The following DPP6 variants were observed in gnomAD, a reference collection of about 807,000 sequenced individuals.
DPP6 encodes the protein dipeptidyl peptidase like 6.
In DPP6, 69 loss-of-function variants were observed where a neutral mutation model predicts 122.6. That is an observed-to-expected ratio of 0.56 (90% CI 0.46 to 0.69). DPP6 has a LOEUF of 0.69. Among genes scored for constraint, DPP6 ranks in the 30% least tolerant of loss-of-function variants. The pLI, the probability that DPP6 is intolerant of heterozygous loss-of-function variation, is 0.00. For synonymous variants in DPP6, 418 were observed against 433.1 expected (o/e 0.97, Z 0.43); for missense variants, 928 against 1,116.9 (o/e 0.83, Z 2.41).
chr7:154,635,433 T>A (rs2130915551), intron 5 of DPP6, among the ~76,000 whole-genome samples: 1 of 152,342 alleles, frequency 6.6e-6, no homozygotes, highest in Non-Finnish European at 1.5e-5. Flanking sequence ...AAGGAATTTA[T>A]CTGTTTGCTT....
intron 1 of DPP6, among the ~76,000 whole-genome samples, chr7:154,090,993 T>C (rs997406120): frequency 8.7e-5 from 13 of 150,280 alleles, no homozygotes; most frequent in South Asian, 4.3e-4. Context: ...TGGTGGCGGG[T>C]GCCTGTAGTC....
chr7:154,059,812 C>T (rs10253502), intron 1 of DPP6, among the ~76,000 whole-genome samples: 8 of 134,530 alleles, frequency 5.9e-5, no homozygotes, highest in East Asian at 2.3e-4. Flanking sequence ...GGCTGAGGCC[C>T]GTAGCCTACG....
chr7:154,411,471 G>A (rs1439467198), intron 1 of DPP6, among the ~76,000 whole-genome samples: 1 of 152,140 alleles, frequency 6.6e-6, no homozygotes, highest in African/African-American at 2.4e-5. Flanking sequence ...AAACTCCTAG[G>A]TTTAAGCAGT....
At chr7:154,040,422 CTG>C (rs1293656024) in intron 1 of DPP6, among the ~76,000 whole-genome samples, 1 of 150,528 alleles carries the variant, frequency 6.6e-6, no homozygotes, top group Non-Finnish European at 1.5e-5. Context: ...CTTCATGAGG[CTG>C]TTTCTCTTGC....
At chr7:154,430,587 A>G (rs1173759456) in intron 1 of DPP6, among the ~76,000 whole-genome samples, 1 of 152,092 alleles carries the variant, frequency 6.6e-6, no homozygotes, top group Non-Finnish European at 1.5e-5. Context: ...GGGAGTTAGG[A>G]TTTCATTGTA....
intron 3 of DPP6, among the ~76,000 whole-genome samples, chr7:154,487,086 G>C (rs985102398): frequency 6.6e-6 from 1 of 152,058 alleles, no homozygotes; most frequent in Non-Finnish European, 1.5e-5. Flanking sequence ...GACTGAAATC[G>C]CGTTTCAACT....
intron 1 of DPP6, among the ~76,000 whole-genome samples, chr7:153,936,842 G>A (rs572591066): frequency 4.6e-5 from 7 of 151,842 alleles, no homozygotes; most frequent in African/African-American, 7.3e-5. Context: ...AGGAAGTGAC[G>A]CGTGACCCTT....
At chr7:154,279,833 C>A (rs992333722) in intron 1 of DPP6, among the ~76,000 whole-genome samples, 1 of 152,192 alleles carries the variant, frequency 6.6e-6, no homozygotes, top group Admixed American at 6.5e-5. Flanking sequence ...AAATCAAAAA[C>A]CCACACACAA....
chr7:154,489,391 T>C (rs1314930445), intron 3 of DPP6, among the ~76,000 whole-genome samples: 1 of 152,220 alleles, frequency 6.6e-6, no homozygotes, highest in East Asian at 1.9e-4. Context: ...CAGGACGCTG[T>C]TCTGAGATTG....
intron 2 of DPP6, among the ~76,000 whole-genome samples, chr7:154,458,488 A>C (rs1436833921): frequency 6.6e-6 from 1 of 152,174 alleles, no homozygotes; most frequent in Non-Finnish European, 1.5e-5. Context: ...GACTAATACA[A>C]GATGCTTCCC....
chr7:153,807,428 C>CAA, the DPP6 span, among the ~76,000 whole-genome samples: 45 of 137,460 alleles, frequency 3.3e-4, no homozygotes, highest in African/African-American at 1.1e-3. Context: ...AACAAACAAA[C>CAA]AAAAAAAAAA....
chr7:154,609,214 G>A (rs148938585), intron 5 of DPP6, among the ~76,000 whole-genome samples: 24 of 152,268 alleles, frequency 1.6e-4, no homozygotes, highest in South Asian at 2.1e-4. Flanking sequence ...CCATGTGTAC[G>A]TAATAGGAGG....
intron 1 of DPP6, among the ~76,000 whole-genome samples, chr7:154,273,422 C>A (rs1803923147): frequency 1.3e-5 from 2 of 152,178 alleles, no homozygotes; most frequent in Non-Finnish European, 2.9e-5. Context: ...TTCTGTGCAA[C>A]AAGACACGCT....
At chr7:153,786,403 A>C in the DPP6 span, among the ~76,000 whole-genome samples, 1 of 151,466 alleles carries the variant, frequency 6.6e-6, no homozygotes, top group Admixed American at 6.6e-5. Flanking sequence ...GAACACTATA[A>C]AAATGTTCAC....
intron 1 of DPP6, among the ~76,000 whole-genome samples, chr7:154,293,618 C>T (rs1805344322): frequency 1.3e-5 from 2 of 152,204 alleles, no homozygotes. Flanking sequence ...CATTTGCATT[C>T]TCCCAGGGCG....
chr7:154,571,157 T>G (rs1831085873), intron 5 of DPP6, among the ~76,000 whole-genome samples: 1 of 152,214 alleles, frequency 6.6e-6, no homozygotes, highest in Non-Finnish European at 1.5e-5. Context: ...CAATTTTTTA[T>G]TTTTAATTTG....
chr7:154,200,439 G>A (rs1799112383), intron 1 of DPP6, among the ~76,000 whole-genome samples: 1 of 152,174 alleles, frequency 6.6e-6, no homozygotes, highest in Non-Finnish European at 1.5e-5. Context: ...GTGTGCAGCT[G>A]AGGGTGAGAA....
the DPP6 span, among the ~76,000 whole-genome samples, chr7:153,754,469 C>A: frequency 6.6e-5 from 10 of 152,168 alleles, no homozygotes; most frequent in African/African-American, 2.4e-4. Context: ...TCTTTGTCTG[C>A]ATTTAAGATT....
chr7:153,824,420 C>T, the DPP6 span, among the ~76,000 whole-genome samples: 3 of 140,764 alleles, frequency 2.1e-5, no homozygotes, highest in Non-Finnish European at 4.5e-5. Context: ...GGCGTAGTGG[C>T]TCATGCCTGT....
Sources: gnomAD v4.1 joint callset for allele counts (sites outside exome capture counted in the v4.1 genomes callset) on GRCh38, gnomAD v4.1.1 for gene constraint, MANE v1.5 for transcripts, NCBI Gene and HGNC (gene_info 2026-07-23, HGNC 2026-07-21) for gene names.